Variants in CDC73 observed in about 807,000 individuals in gnomAD.
CDC73 encodes cell division cycle 73, also known as parafibromin.
A neutral mutation model predicts 83.7 loss-of-function variants in CDC73; 21 were observed. That is an observed-to-expected ratio of 0.25 (90% CI 0.18 to 0.36). CDC73 has a LOEUF of 0.36. Among genes scored for constraint, CDC73 ranks in the 10% least tolerant of loss-of-function variants. The probability of loss-of-function intolerance (pLI) is 1.00; values close to 1 mark genes in which losing one functional copy is unlikely to be tolerated. For synonymous variants in CDC73, 224 were observed against 212.9 expected (o/e 1.05, Z -0.45); for missense variants, 342 against 653.3 (o/e 0.52, Z 5.19).
chr1:193,219,249 T>C (rs965200674), intron 13 of CDC73, among the ~76,000 whole-genome samples: 20 of 152,188 alleles, frequency 1.3e-4, no homozygotes, highest in Admixed American at 6.5e-5. Flanking sequence ...TAATAGATCT[T>C]GGTGAGGTTG....
intron 14 of CDC73, among the ~76,000 whole-genome samples, chr1:193,233,938 A>G (rs1572215958): frequency 6.6e-6 from 1 of 151,940 alleles, no homozygotes; most frequent in Admixed American, 6.6e-5. Context: ...TCCGTGATAC[A>G]GAGAACGCAA....
intron 15 of CDC73, among the ~76,000 whole-genome samples, chr1:193,238,943 A>G (rs904439835): frequency 6.6e-6 from 1 of 152,184 alleles, no homozygotes; most frequent in Non-Finnish European, 1.5e-5. Context: ...AACCCACTCA[A>G]TTGGAACTTG....
intron 10 of CDC73, among the ~76,000 whole-genome samples, chr1:193,159,363 T>A (rs1676267446): frequency 6.6e-6 from 1 of 152,142 alleles, no homozygotes; most frequent in Admixed American, 6.5e-5. Context: ...TTTAAAAGTT[T>A]ATTTTGTTTT....
intron 10 of CDC73, among the ~76,000 whole-genome samples, chr1:193,153,303 A>G (rs1335793505): frequency 6.6e-6 from 1 of 152,202 alleles, no homozygotes. Flanking sequence ...TTGGTGATGT[A>G]GAACAGGAAT....
chr1:193,230,028 A>G (rs1312946376), intron 13 of CDC73, among the ~76,000 whole-genome samples: 1 of 152,190 alleles, frequency 6.6e-6, no homozygotes, highest in African/African-American at 2.4e-5. Flanking sequence ...ATTTCACTGT[A>G]TGTAAATTTT....
chr1:193,236,161 G>A (rs1677754424), intron 14 of CDC73, 95 bp from the exon 15 acceptor site: 1 of 806,488 alleles, frequency 1.2e-6, no homozygotes, highest in Non-Finnish European at 2.3e-6. Flanking sequence ...ATGTTTATGG[G>A]ACTGTTGCCT....
At chr1:193,124,476 A>G (rs895146498) in intron 1 of CDC73, among the ~76,000 whole-genome samples, 2 of 152,208 alleles carry the variant, frequency 1.3e-5, no homozygotes, top group Admixed American at 6.5e-5. Flanking sequence ...ATTCAAAGAT[A>G]TAGAAGGGGA....
At chr1:193,199,820 G>A (rs941233327) in intron 10 of CDC73, among the ~76,000 whole-genome samples, 2 of 151,806 alleles carry the variant, frequency 1.3e-5, no homozygotes, top group African/African-American at 2.4e-5. Context: ...AAAGGTAAAA[G>A]CATTCAAGGG....
At chr1:193,153,543 A>G (rs1340930736) in intron 10 of CDC73, among the ~76,000 whole-genome samples, 5 of 152,206 alleles carry the variant, frequency 3.3e-5, no homozygotes, top group Non-Finnish European at 7.4e-5. Context: ...GAATTAACAT[A>G]TAACTTTATA....
At chr1:193,236,418 AAC>A in intron 15 of CDC73, 62 bp downstream of exon 15, 2 of 1,050,102 alleles carry the variant, frequency 1.9e-6, no homozygotes, top group East Asian at 4.7e-5. Context: ...ATTTAAGAGA[AAC>A]AGTCATATAG....
intron 10 of CDC73, among the ~76,000 whole-genome samples, chr1:193,170,803 TTTG>T (rs1676506480): frequency 6.6e-6 from 1 of 152,180 alleles, no homozygotes; most frequent in Non-Finnish European, 1.5e-5. Context: ...ATCTTTTGCT[TTTG>T]TTGAGTTACT....
Position 193,212,403 on chromosome 1 carries a change from C to A in CDC73, c.1080C>A (p.Pro360=), listed in dbSNP as rs1211967086. 1 of 1,601,428 alleles carries A rather than the reference C, an allele frequency of 6.2e-7. No individual in the cohort carries two copies. Among genetic ancestry groups the A allele is most frequent in the Non-Finnish European group, 8.5e-7 (1 of 1,171,450 alleles). The change falls in exon 13 of 17, where the codon CCC becomes CCA. Residue 360 remains proline, a synonymous_variant. Transcript: ENST00000367435. ...PPNQKKGSRT[P]IIIIPAATTS... Reference sequence around the variant, plus strand: ...TTGTCTTTATAGGATCTCGAACACCCATTATCATAATTCCTGCAGCTACCA... The same window carrying A: ...TTGTCTTTATAGGATCTCGAACACCAATTATCATAATTCCTGCAGCTACCA...
intron 7 of CDC73, among the ~76,000 whole-genome samples, chr1:193,144,909 C>T (rs989442331): frequency 4.6e-5 from 7 of 150,598 alleles, no homozygotes; most frequent in African/African-American, 1.7e-4. Flanking sequence ...TGACAGCTTT[C>T]GTGAGAAAAT....
intron 10 of CDC73, among the ~76,000 whole-genome samples, chr1:193,194,892 A>G (rs945154918): frequency 4.6e-5 from 7 of 152,124 alleles, no homozygotes; most frequent in Non-Finnish European, 8.8e-5. Flanking sequence ...ATCTGTTTCT[A>G]TATCTGTTTA....
At chr1:193,216,955 G>A (rs1052283921) in intron 13 of CDC73, among the ~76,000 whole-genome samples, 6 of 152,066 alleles carry the variant, frequency 3.9e-5, no homozygotes, top group Non-Finnish European at 8.8e-5. Context: ...AATGAGAGCC[G>A]TCTATGACAG....
chr1:193,216,433 T>C (rs1677368526), intron 13 of CDC73, among the ~76,000 whole-genome samples: 1 of 152,166 alleles, frequency 6.6e-6, no homozygotes, highest in Admixed American at 6.5e-5. Context: ...AGTTCCGAAT[T>C]TGAATCAGTA....
intron 16 of CDC73, among the ~76,000 whole-genome samples, chr1:193,250,245 C>T (rs1486476321): frequency 1.3e-4 from 20 of 151,744 alleles, no homozygotes; most frequent in Admixed American, 1.2e-3. Flanking sequence ...ATTTGTGTTA[C>T]GGATGGTTCA....
intron 10 of CDC73, among the ~76,000 whole-genome samples, chr1:193,196,847 G>A (rs773405702): frequency 6.6e-6 from 1 of 152,004 alleles, no homozygotes; most frequent in Non-Finnish European, 1.5e-5. Flanking sequence ...AACTTTTTTG[G>A]TGTCATTTCT....
chr1:193,187,300 G>A (rs968951052), intron 10 of CDC73, among the ~76,000 whole-genome samples: 20 of 151,876 alleles, frequency 1.3e-4, no homozygotes, highest in Non-Finnish European at 2.8e-4. Context: ...AAAATTACAT[G>A]TATCGTAGAA....
Sources: allele counts gnomAD v4.1 joint callset (sites outside exome capture counted in the v4.1 genomes callset), GRCh38; gene constraint gnomAD v4.1.1; transcripts MANE v1.5; gene names NCBI Gene and HGNC (gene_info 2026-07-23, HGNC 2026-07-21).